The following CAPZB variants were observed in gnomAD, a reference collection of about 807,000 sequenced individuals.
CAPZB encodes F-actin-capping protein subunit beta.
In CAPZB, 2 loss-of-function variants were observed where a neutral mutation model predicts 38.1. That is an observed-to-expected ratio of 0.05 (90% CI 0.02 to 0.17). The LOEUF (loss-of-function observed/expected upper bound fraction) is 0.17, where lower values mean the gene tolerates loss of function less well. CAPZB is among the 10% of genes least tolerant of loss of function. The pLI, the probability that CAPZB is intolerant of heterozygous loss-of-function variation, is 1.00. For missense variants in CAPZB, 161 were observed against 334.2 expected (o/e 0.48, Z 4.04); for synonymous variants, 107 against 127.4 (o/e 0.84, Z 1.08).
chr1:19,470,521 G>A (rs995482830), intron 1 of CAPZB, among the ~76,000 whole-genome samples: 9 of 152,198 alleles, frequency 5.9e-5, no homozygotes, highest in African/African-American at 1.7e-4. Flanking sequence ...TCAAAGATGA[G>A]CTTTGAAACA....
chr1:19,363,234 A>AC (rs1424079483), intron 4 of CAPZB, among the ~76,000 whole-genome samples: 1 of 143,938 alleles, frequency 6.9e-6, no homozygotes, highest in Non-Finnish European at 1.5e-5. Flanking sequence ...GGCATGCACC[A>AC]CCATGCATGG....
chr1:19,411,589 C>T (rs1324866347), intron 2 of CAPZB, among the ~76,000 whole-genome samples: 1 of 152,212 alleles, frequency 6.6e-6, no homozygotes, highest in African/African-American at 2.4e-5. Flanking sequence ...GGTTCATTTC[C>T]TTTCTCTTGC....
chr1:19,453,902 C>CT (rs2094524701), intron 1 of CAPZB, among the ~76,000 whole-genome samples: 1 of 132,144 alleles, frequency 7.6e-6, no homozygotes, highest in African/African-American at 2.7e-5. Flanking sequence ...GACATCCCTA[C>CT]TGCCATTTTA....
intron 1 of CAPZB, among the ~76,000 whole-genome samples, chr1:19,464,184 C>T (rs1300813340): frequency 1.4e-5 from 2 of 142,366 alleles, no homozygotes; most frequent in South Asian, 2.2e-4. Context: ...AAGACTCTGT[C>T]GAAAAAGGGA....
intron 6 of CAPZB, among the ~76,000 whole-genome samples, chr1:19,347,220 G>A (rs1390126155): frequency 6.6e-6 from 1 of 152,128 alleles, no homozygotes; most frequent in African/African-American, 2.4e-5. Flanking sequence ...AACAATTTTT[G>A]ATGGGATCGT....
At chr1:19,472,118 C>T (rs925509308) in intron 1 of CAPZB, among the ~76,000 whole-genome samples, 3 of 152,146 alleles carry the variant, frequency 2.0e-5, no homozygotes, top group African/African-American at 7.2e-5. Flanking sequence ...GGTTGATAAA[C>T]GCCTCCAGAT....
chr1:19,431,906 G>A (rs7538548), intron 1 of CAPZB, among the ~76,000 whole-genome samples: 26,178 of 150,694 alleles, frequency 0.17, 2,593 homozygotes, highest in South Asian at 0.29. Context: ...GCGAGACCCC[G>A]TCTCTACAAA....
At chr1:19,466,145 G>A (rs534563712) in intron 1 of CAPZB, among the ~76,000 whole-genome samples, 14 of 152,310 alleles carry the variant, frequency 9.2e-5, no homozygotes, top group Admixed American at 9.2e-4. Context: ...TTAGGCTGAG[G>A]TGTGGTGGGT....
chr1:19,465,092 T>G (rs1383411995), intron 1 of CAPZB, among the ~76,000 whole-genome samples: 1 of 152,172 alleles, frequency 6.6e-6, no homozygotes, highest in African/African-American at 2.4e-5. Context: ...TTAGCTGTGG[T>G]TGGCAGGGGA....
intron 1 of CAPZB, among the ~76,000 whole-genome samples, chr1:19,451,768 C>A (rs778448974): frequency 6.6e-5 from 10 of 151,942 alleles, no homozygotes; most frequent in African/African-American, 2.4e-4. Context: ...ATGGCCTCCA[C>A]CTCTCTGATG....
chr1:19,393,147 T>C (rs1339239092), intron 2 of CAPZB, among the ~76,000 whole-genome samples: 3 of 152,372 alleles, frequency 2.0e-5, no homozygotes, highest in East Asian at 1.9e-4. Flanking sequence ...CACAGCTTCA[T>C]GTAGCCGAGG....
intron 2 of CAPZB, among the ~76,000 whole-genome samples, chr1:19,393,479 A>G (rs1260095932): frequency 6.6e-6 from 1 of 152,220 alleles, no homozygotes; most frequent in Non-Finnish European, 1.5e-5. Context: ...CCTGTGGATG[A>G]GAAAACCCAG....
At chr1:19,370,282 G>C (rs1437680229) in intron 4 of CAPZB, among the ~76,000 whole-genome samples, 1 of 152,216 alleles carries the variant, frequency 6.6e-6, no homozygotes, top group Non-Finnish European at 1.5e-5. Flanking sequence ...GGGATCCCCA[G>C]ACCACCCGAG....
chr1:19,452,383 C>T (rs981001792), intron 1 of CAPZB, among the ~76,000 whole-genome samples: 19 of 152,310 alleles, frequency 1.2e-4, no homozygotes, highest in Non-Finnish European at 2.6e-4. Context: ...TGTTCTTGGT[C>T]GCCTCTGTAC....
intron 1 of CAPZB, among the ~76,000 whole-genome samples, chr1:19,485,112 G>GGT (rs1230429340): frequency 8.5e-5 from 13 of 152,302 alleles, no homozygotes; most frequent in African/African-American, 2.9e-4. Context: ...TCACCGAGGG[G>GGT]GTGCCTGGCT....
intron 2 of CAPZB, among the ~76,000 whole-genome samples, chr1:19,394,886 GA>G (rs571107166): frequency 2.4e-4 from 37 of 152,282 alleles, no homozygotes; most frequent in African/African-American, 8.4e-4. Context: ...TTTGAATTTT[GA>G]TCTTTTCCTG....
intron 8 of CAPZB, among the ~76,000 whole-genome samples, chr1:19,340,175 C>T (rs1474822052): frequency 6.6e-6 from 1 of 152,228 alleles, no homozygotes. Flanking sequence ...GCAGCGTTAT[C>T]CCACCCTTGG....
chr1:19,393,268 G>A (rs1017246710), intron 2 of CAPZB, among the ~76,000 whole-genome samples: 2 of 152,192 alleles, frequency 1.3e-5, no homozygotes, highest in African/African-American at 4.8e-5. Flanking sequence ...AGTCACACCC[G>A]GGTGGCCAAG....
At chr1:19,467,010 C>T (rs1210740394) in intron 1 of CAPZB, among the ~76,000 whole-genome samples, 8 of 152,176 alleles carry the variant, frequency 5.3e-5, no homozygotes, top group Non-Finnish European at 7.3e-5. Context: ...ATCCTCCCGC[C>T]TCAGCCTCCC....
Sources: gnomAD v4.1 joint callset for allele counts (sites outside exome capture counted in the v4.1 genomes callset) on GRCh38, gnomAD v4.1.1 for gene constraint, MANE v1.5 for transcripts, NCBI Gene and HGNC (gene_info 2026-07-23, HGNC 2026-07-21) for gene names.